The following GRM5 variants were observed in gnomAD, a reference collection of about 807,000 sequenced individuals.
GRM5 encodes metabotropic glutamate receptor 5.
A neutral mutation model predicts 83.1 loss-of-function variants in GRM5; 19 were observed. That is an observed-to-expected ratio of 0.23 (90% CI 0.16 to 0.34). The LOEUF is 0.34. Ranked by LOEUF, GRM5 falls within the 10% of genes least tolerant of loss-of-function variation. The probability of loss-of-function intolerance (pLI) is 1.00; values close to 1 mark genes in which losing one functional copy is unlikely to be tolerated. For missense variants in GRM5, 1,160 were observed against 1,588.3 expected, an observed-to-expected ratio of 0.73 and a Z score of 4.58; for synonymous variants, 675 against 633.6, an observed-to-expected ratio of 1.07 and a Z score of -0.98.
intron 3 of GRM5, among the ~76,000 whole-genome samples, chr11:88,764,350 G>T (rs1369900521): frequency 6.6e-6 from 1 of 151,546 alleles, no homozygotes. Flanking sequence ...AAACCAACTA[G>T]ATGTAACAGA....
intron 9 of GRM5, among the ~76,000 whole-genome samples, chr11:88,510,157 T>C (rs1468262658): frequency 6.6e-6 from 1 of 152,376 alleles, no homozygotes; most frequent in East Asian, 1.9e-4. Context: ...TAATGAGAGC[T>C]TCTTTACTTC....
At chr11:88,598,279 G>T (rs1015045841) in intron 5 of GRM5, among the ~76,000 whole-genome samples, 2 of 152,076 alleles carry the variant, frequency 1.3e-5, no homozygotes, top group Non-Finnish European at 2.9e-5. Context: ...GATATGAATG[G>T]AAAATGTTCT....
chr11:88,636,053 GC>G (rs1168092580), intron 4 of GRM5, among the ~76,000 whole-genome samples: 1 of 152,100 alleles, frequency 6.6e-6, no homozygotes, highest in African/African-American at 2.4e-5. Context: ...AAACACCACT[GC>G]TTTTCTAGAA....
intron 2 of GRM5, among the ~76,000 whole-genome samples, chr11:88,898,852 C>A (rs115604021): frequency 6.6e-6 from 1 of 151,854 alleles, no homozygotes; most frequent in Non-Finnish European, 1.5e-5. Context: ...TAGATTGATA[C>A]CTAACTTTGT....
intron 4 of GRM5, among the ~76,000 whole-genome samples, chr11:88,611,190 T>G (rs1363300922): frequency 1.3e-5 from 2 of 152,176 alleles, no homozygotes; most frequent in Non-Finnish European, 2.9e-5. Context: ...TATTGTTGTG[T>G]CTCTGCCAGG....
At chr11:88,648,554 G>A (rs1259975603) in intron 4 of GRM5, among the ~76,000 whole-genome samples, 1 of 135,064 alleles carries the variant, frequency 7.4e-6, no homozygotes, top group Non-Finnish European at 1.6e-5. Context: ...CCTAATGCTA[G>A]ATGACGAGTT....
chr11:88,675,403 T>C (rs1378535353), intron 3 of GRM5, among the ~76,000 whole-genome samples: 3 of 151,934 alleles, frequency 2.0e-5, no homozygotes, highest in Non-Finnish European at 2.9e-5. Context: ...GAGAAAGATA[T>C]GTCGGCAATT....
chr11:88,845,854 GA>G (rs1944296432), intron 3 of GRM5, among the ~76,000 whole-genome samples: 1 of 152,238 alleles, frequency 6.6e-6, no homozygotes, highest in African/African-American at 2.4e-5. Context: ...ATACTTGTTT[GA>G]AAATGACTGA....
intron 1 of GRM5, among the ~76,000 whole-genome samples, chr11:89,057,364 G>A (rs1358407833): frequency 2.0e-5 from 3 of 151,988 alleles, no homozygotes; most frequent in Admixed American, 6.6e-5. Flanking sequence ...TCACACATTT[G>A]TGACCCTGTA....
At chr11:88,925,651 C>T in intron 2 of GRM5, 1 of 425,132 alleles carries the variant, frequency 2.4e-6, no homozygotes, top group South Asian at 1.7e-5. Flanking sequence ...GTGGCTCATG[C>T]CCATAATCCC....
chr11:88,894,960 A>G (rs1945208614), intron 2 of GRM5, among the ~76,000 whole-genome samples: 1 of 151,968 alleles, frequency 6.6e-6, no homozygotes, highest in Non-Finnish European at 1.5e-5. Flanking sequence ...AGCCTGTGAG[A>G]AAAAATAATA....
intron 3 of GRM5, among the ~76,000 whole-genome samples, chr11:88,798,907 G>A (rs546306096): frequency 8.6e-4 from 129 of 150,326 alleles, no homozygotes; most frequent in Non-Finnish European, 1.3e-3. Context: ...AAGGAGTAAA[G>A]CATGAAACCT....
intron 3 of GRM5, among the ~76,000 whole-genome samples, chr11:88,768,903 C>A (rs571109531): frequency 3.3e-5 from 5 of 152,146 alleles, no homozygotes; most frequent in Admixed American, 3.3e-4. Flanking sequence ...ACTTTATACA[C>A]TGGACCTCCA....
At chr11:88,529,554 TA>T (rs1941959890) in intron 8 of GRM5, among the ~76,000 whole-genome samples, 1 of 151,878 alleles carries the variant, frequency 6.6e-6, no homozygotes, top group South Asian at 2.1e-4. Flanking sequence ...GAGAAGTATA[TA>T]AAAATGATGA....
intron 3 of GRM5, among the ~76,000 whole-genome samples, chr11:88,671,367 C>T (rs1940189321): frequency 6.6e-6 from 1 of 152,102 alleles, no homozygotes; most frequent in Non-Finnish European, 1.5e-5. Flanking sequence ...AGAGAAAGTG[C>T]TCCTGACCAG....
intron 3 of GRM5, among the ~76,000 whole-genome samples, chr11:88,663,128 T>C (rs1939949121): frequency 6.6e-6 from 1 of 152,220 alleles, no homozygotes. Context: ...CCTGTTAATA[T>C]TTGAAGAGAT....
At position 88,638,730 on chromosome 11, in the gene GRM5, A is replaced by C. The variant is rs543796181; in HGVS notation, c.1147+14438T>G. 2.0e-3 allele frequency among the ~76,000 whole-genome samples: 298 copies of C among 152,054 alleles called. 1 individual carries two copies. The highest frequency in any genetic ancestry group is 6.9e-3 in the African/African-American group (286 of 41,504). On this transcript the variant is annotated intron_variant, in intron 4 of 9. Transcript: ENST00000305447. ...ATTGGTAGAATGTTAATTTCAATGA[A>C]TTTTTTTCATTTTATCTAAATTAAG...
intron 2 of GRM5, among the ~76,000 whole-genome samples, chr11:88,900,404 G>GA (rs1031380757): frequency 6.6e-6 from 1 of 152,120 alleles, no homozygotes; most frequent in Non-Finnish European, 1.5e-5. Flanking sequence ...GTGACAAACT[G>GA]AAACACAGCA....
intron 7 of GRM5, among the ~76,000 whole-genome samples, chr11:88,568,922 C>T (rs1166950610): frequency 6.6e-6 from 1 of 152,152 alleles, no homozygotes; most frequent in Non-Finnish European, 1.5e-5. Context: ...CTCTCAAAAT[C>T]GTTCCTTATT....
Sources: allele counts gnomAD v4.1 joint callset (sites outside exome capture counted in the v4.1 genomes callset), GRCh38; gene constraint gnomAD v4.1.1; transcripts MANE v1.5; gene names NCBI Gene and HGNC (gene_info 2026-07-23, HGNC 2026-07-21).